Variants in ATP8A2 observed in about 807,000 individuals in gnomAD.
The protein encoded by ATP8A2 is phospholipid-transporting ATPase IB.
In ATP8A2, 100 loss-of-function variants were observed where a neutral mutation model predicts 165.6. The observed-to-expected ratio is 0.60, with a 90% CI of 0.51 to 0.71. The LOEUF is 0.71. Among genes scored for constraint, ATP8A2 ranks in the 30% least tolerant of loss-of-function variants. The probability of loss-of-function intolerance (pLI) is 0.00; values close to 1 mark genes in which losing one functional copy is unlikely to be tolerated. For synonymous variants in ATP8A2, 543 were observed against 548.8 expected (o/e 0.99, Z 0.15); for missense variants, 1,227 against 1,479.5 (o/e 0.83, Z 2.80).
intron 33 of ATP8A2, among the ~76,000 whole-genome samples, chr13:25,942,371 T>A (rs538985853): frequency 6.6e-6 from 1 of 152,360 alleles, no homozygotes; most frequent in South Asian, 2.1e-4. Flanking sequence ...TAACTTTTTT[T>A]ATGGTGTCTT....
At chr13:25,873,126 A>G (rs954247012) in intron 33 of ATP8A2, among the ~76,000 whole-genome samples, 35 of 152,200 alleles carry the variant, frequency 2.3e-4, no homozygotes, top group African/African-American at 7.7e-4. Flanking sequence ...GCCTCAGCCC[A>G]GATCCTCCAG....
intron 1 of ATP8A2, among the ~76,000 whole-genome samples, chr13:25,397,601 G>A (rs143516883): frequency 0.012 from 1,837 of 152,028 alleles, 32 homozygotes; most frequent in African/African-American, 0.042. Flanking sequence ...CTTTACTATT[G>A]GTCATTATGC....
intron 33 of ATP8A2, among the ~76,000 whole-genome samples, chr13:25,945,819 T>C (rs631956): frequency 0.72 from 109,933 of 152,106 alleles, 39,884 homozygotes; most frequent in East Asian, 0.79. Flanking sequence ...CGCCTGGTAC[T>C]GTGCTGCAGC....
rs1385731913 is a variant in ATP8A2 at position 25,889,245 on chromosome 13, C to CTCATATATATATATATAT, written c.3183+26837_3183+26838insTCATATATATATATATAT. Reference sequence around the variant, plus strand: ...TTAAATTTGTTTGCTCATCCTTTGTCATATATATATATATATATATATATA... The same window carrying CTCATATATATATATATAT: ...TTAAATTTGTTTGCTCATCCTTTGTCTCATATATATATATATATATATATATATATATATATATATATA... On this transcript the variant is annotated intron_variant, in intron 33 of 36. Coordinates refer to ENST00000381655, the MANE Select transcript of ATP8A2 (RefSeq NM_016529.6). 6.0e-4 allele frequency among the ~76,000 whole-genome samples: 66 copies of CTCATATATATATATATAT among 109,970 alleles called. 1 individual carries two copies. Among genetic ancestry groups the CTCATATATATATATATAT allele is most frequent in the Non-Finnish European group, 9.8e-4 (57 of 58,130 alleles). The allele number at this position is 109,970 out of a possible 152,430, so 72.1% of individuals were successfully genotyped here. A position where few individuals can be genotyped will look rare whatever the true frequency, so the allele number is the denominator to read the frequency against.
intron 33 of ATP8A2, among the ~76,000 whole-genome samples, chr13:25,936,370 G>A (rs559875842): frequency 3.9e-5 from 6 of 152,346 alleles, no homozygotes; most frequent in Admixed American, 1.3e-4. Flanking sequence ...CTGAGTGTCT[G>A]CGGAAGTCAT....
At chr13:25,487,771 A>T (rs1338211944) in intron 2 of ATP8A2, among the ~76,000 whole-genome samples, 1 of 152,214 alleles carries the variant, frequency 6.6e-6, no homozygotes, top group Non-Finnish European at 1.5e-5. Flanking sequence ...AGTTTGCCTG[A>T]GGTTATCATG....
chr13:25,399,733 C>T (rs9805823), intron 1 of ATP8A2, among the ~76,000 whole-genome samples: 124,541 of 150,336 alleles, frequency 0.83, 51,627 homozygotes, highest in East Asian at 0.96. Context: ...CCTTCCTCTT[C>T]CTCCTTCTCC....
At chr13:25,752,976 A>G (rs538672286) in intron 25 of ATP8A2, among the ~76,000 whole-genome samples, 1 of 152,262 alleles carries the variant, frequency 6.6e-6, no homozygotes, top group East Asian at 1.9e-4. Context: ...ATTTATAAAT[A>G]GGTCATCTCT....
At chr13:25,743,225 C>T (rs2043954683) in intron 25 of ATP8A2, among the ~76,000 whole-genome samples, 1 of 151,984 alleles carries the variant, frequency 6.6e-6, no homozygotes, top group Non-Finnish European at 1.5e-5. Context: ...GGTGCTTCTG[C>T]CAAGGAACGC....
chr13:25,839,555 G>A lies in ATP8A2; in HGVS notation c.2887G>A (p.Gly963Ser), dbSNP rs1432017135. 6.2e-7 allele frequency: 1 copy of A among 1,613,764 alleles called. No homozygotes were observed. The highest frequency in any genetic ancestry group is 8.5e-7 in the Non-Finnish European group (1 of 1,179,862). Residue 963 changes from glycine to serine, a missense_variant, in exon 30 of 37, where the codon GGT (glycine) becomes AGT (serine). By Grantham distance (56) the Gly-to-Ser change is moderately conservative. Coordinates refer to ENST00000381655, the MANE Select transcript of ATP8A2 (RefSeq NM_016529.6). ...GTTTGTTTTTCCTTAGGTTTTCTGG[G>A]GTCACTGCATCAACGCCTTGGTCCA... Reference protein sequence around the residue: ...GEGFNTKVFWGHCINALVHSL... With the variant: ...GEGFNTKVFWSHCINALVHSL...
At chr13:25,378,637 T>C (rs1566090143) in intron 1 of ATP8A2, among the ~76,000 whole-genome samples, 1 of 152,188 alleles carries the variant, frequency 6.6e-6, no homozygotes, top group Non-Finnish European at 1.5e-5. Flanking sequence ...TTTTTCTTTT[T>C]AGCATCTGTT....
intron 33 of ATP8A2, among the ~76,000 whole-genome samples, chr13:25,864,603 A>T (rs550508078): frequency 5.9e-5 from 9 of 152,374 alleles, no homozygotes; most frequent in African/African-American, 2.2e-4. Flanking sequence ...CAAAGAAGTG[A>T]TCATATTCAA....
At chr13:25,952,103 A>G (rs1214234190) in intron 33 of ATP8A2, among the ~76,000 whole-genome samples, 2 of 152,158 alleles carry the variant, frequency 1.3e-5, no homozygotes, top group Admixed American at 1.3e-4. Flanking sequence ...ATTGTTTAAC[A>G]ATTCCTTTGC....
chr13:25,392,802 G>T (rs559005753), intron 1 of ATP8A2, among the ~76,000 whole-genome samples: 1 of 151,880 alleles, frequency 6.6e-6, no homozygotes, highest in Non-Finnish European at 1.5e-5. Context: ...TAAGCCGGGC[G>T]TGGTGGCTCA....
chr13:25,984,242 A>T (rs1220645970), intron 35 of ATP8A2, among the ~76,000 whole-genome samples: 2 of 151,988 alleles, frequency 1.3e-5, no homozygotes, highest in African/African-American at 4.8e-5. Context: ...GTCTCAAAAA[A>T]AAAAAGTTAT....
chr13:25,485,512 G>C (rs2036324193), intron 2 of ATP8A2, among the ~76,000 whole-genome samples: 1 of 152,096 alleles, frequency 6.6e-6, no homozygotes, highest in African/African-American at 2.4e-5. Context: ...TAATTCACTG[G>C]GCCTACACAT....
At chr13:25,742,309 C>T (rs1349860238) in intron 25 of ATP8A2, among the ~76,000 whole-genome samples, 1 of 151,836 alleles carries the variant, frequency 6.6e-6, no homozygotes, top group Non-Finnish European at 1.5e-5. Flanking sequence ...CGTTATGGGG[C>T]ACATGACTGT....
chr13:25,656,557 G>C (rs1216830075), intron 24 of ATP8A2, among the ~76,000 whole-genome samples: 2 of 151,928 alleles, frequency 1.3e-5, no homozygotes. Context: ...ACAGGCGTGA[G>C]CCACCACACC....
At chr13:25,793,524 A>G (rs778849063) in intron 27 of ATP8A2, among the ~76,000 whole-genome samples, 2 of 152,150 alleles carry the variant, frequency 1.3e-5, no homozygotes, top group Non-Finnish European at 2.9e-5. Context: ...ATATTGTGCA[A>G]ATGTGTGTAT....
Sources: allele counts gnomAD v4.1 joint callset (sites outside exome capture counted in the v4.1 genomes callset), GRCh38; gene constraint gnomAD v4.1.1; transcripts MANE v1.5; gene names NCBI Gene and HGNC (gene_info 2026-07-23, HGNC 2026-07-21).